MEI4: variants seen among roughly 807,000 people sequenced by gnomAD.
MEI4 encodes meiotic double-stranded break formation protein 4.
Under a neutral mutation model 31.4 loss-of-function variants are expected in MEI4, and 27 were observed. The observed-to-expected ratio is 0.86, with a 90% confidence interval of 0.63 to 1.19. MEI4 has a LOEUF of 1.19. MEI4 is among the 50% of genes most tolerant of loss of function. The probability of loss-of-function intolerance (pLI) is 0.00; values close to 1 mark genes in which losing one functional copy is unlikely to be tolerated. For missense variants in MEI4, 329 were observed against 398.9 expected (o/e 0.82, Z 1.49); for synonymous variants, 122 against 145.4 (o/e 0.84, Z 1.16).
chr6:77,861,711 C>T (rs1044621604), intron 4 of MEI4, among the ~76,000 whole-genome samples: 1 of 152,084 alleles, frequency 6.6e-6, no homozygotes, highest in African/African-American at 2.4e-5. Context: ...GCACAGAGTA[C>T]TTGGATGAAC....
At chr6:77,859,360 T>C (rs1770815418) in intron 4 of MEI4, among the ~76,000 whole-genome samples, 1 of 152,178 alleles carries the variant, frequency 6.6e-6, no homozygotes, top group Admixed American at 6.5e-5. Context: ...TAGAATGATT[T>C]ATATCCCTTT....
At position 77,923,717 on chromosome 6, in the gene MEI4, A is replaced by AT. The variant is rs955572668; in HGVS notation, c.*376dup. On this transcript the variant is annotated 3_prime_UTR_variant, in exon 5 of 5. Coordinates refer to ENST00000684080, the MANE Select transcript of MEI4 (RefSeq NM_001322247.2). ...TGCTAAATGGTAATCAAAGAAAGAG[A>AT]TTTTTAAAGAAGTTTAGTTGCATTA... 3 of 64,950 alleles carry AT rather than the reference A, an allele frequency of 4.6e-5. No homozygotes were observed. The highest frequency in any genetic ancestry group is 7.4e-5 in the Non-Finnish European group (3 of 40,494). 4.0% of individuals were successfully genotyped at this position (64,950 alleles called of 1,614,324 possible).
intron 3 of MEI4, among the ~76,000 whole-genome samples, chr6:77,789,614 C>T (rs898084244): frequency 6.6e-6 from 1 of 152,130 alleles, no homozygotes; most frequent in Non-Finnish European, 1.5e-5. Flanking sequence ...AGACACTTCT[C>T]AAAAGAAGAC....
intron 2 of MEI4, among the ~76,000 whole-genome samples, chr6:77,696,695 A>G (rs574567696): frequency 0.022 from 3,395 of 151,638 alleles, 111 homozygotes; most frequent in African/African-American, 0.077. Flanking sequence ...TTTTGCATCA[A>G]TGTTCATCAA....
chr6:77,664,008 C>T (rs1313393758), intron 1 of MEI4, among the ~76,000 whole-genome samples: 5 of 152,190 alleles, frequency 3.3e-5, no homozygotes, highest in South Asian at 2.1e-4. Context: ...GCCAGATTTC[C>T]GGCACATGTA....
chr6:77,716,140 G>A (rs1215582323), intron 2 of MEI4, among the ~76,000 whole-genome samples: 1 of 152,046 alleles, frequency 6.6e-6, no homozygotes, highest in Non-Finnish European at 1.5e-5. Flanking sequence ...CTTTCTCTTT[G>A]GAGTTTACAG....
At chr6:77,663,409 G>GA (rs918111476) in intron 1 of MEI4, among the ~76,000 whole-genome samples, 11 of 151,972 alleles carry the variant, frequency 7.2e-5, no homozygotes, top group Non-Finnish European at 1.0e-4. Flanking sequence ...TTAAGGTGGG[G>GA]GGATACAAGA....
intron 4 of MEI4, among the ~76,000 whole-genome samples, chr6:77,859,518 G>T (rs193247652): frequency 3.9e-5 from 6 of 151,978 alleles, no homozygotes; most frequent in African/African-American, 1.5e-4. Flanking sequence ...CCACAGCCTT[G>T]CCAATATCTA....
intron 4 of MEI4, among the ~76,000 whole-genome samples, chr6:77,859,443 C>T (rs1770818248): frequency 6.6e-6 from 1 of 152,158 alleles, no homozygotes; most frequent in South Asian, 2.1e-4. Context: ...AATCGCCATA[C>T]TGTCTACTAT....
intron 4 of MEI4, among the ~76,000 whole-genome samples, chr6:77,900,166 G>A (rs1433566489): frequency 6.6e-6 from 1 of 152,014 alleles, no homozygotes. Flanking sequence ...AGGATGCAGA[G>A]TAAAGGGAAC....
chr6:77,734,151 G>A (rs534575800), intron 2 of MEI4, among the ~76,000 whole-genome samples: 2 of 151,828 alleles, frequency 1.3e-5, no homozygotes, highest in South Asian at 2.1e-4. Flanking sequence ...GGTCCGCTTG[G>A]TGCAGAGCTG....
At chr6:77,900,099 T>G (rs1009962384) in intron 4 of MEI4, among the ~76,000 whole-genome samples, 1 of 151,796 alleles carries the variant, frequency 6.6e-6, no homozygotes, top group Non-Finnish European at 1.5e-5. Context: ...CAATGAGATA[T>G]CACTGCATCT....
intron 1 of MEI4, among the ~76,000 whole-genome samples, chr6:77,664,760 A>T (rs570668748): frequency 1.3e-5 from 2 of 152,114 alleles, no homozygotes; most frequent in African/African-American, 4.8e-5. Flanking sequence ...GTGTTAAAGA[A>T]TGCCTGGACA....
In MEI4 at chr6:77,900,336, G is replaced by GTA. The variant is rs373908436; in HGVS notation, c.901-22742_901-22741dup. On this transcript the variant is annotated intron_variant, in intron 4 of 4. Transcript: ENST00000684080. ...TATGTTCCAACAATCTCATTACTGG[G>GTA]TATATATATATAGAAAGGAAATATA... Among the ~76,000 whole-genome samples, 919 of 151,542 alleles carry GTA rather than the reference G, an allele frequency of 6.1e-3. 7 individuals are homozygous for GTA. The highest frequency in any genetic ancestry group is 0.02 in the African/African-American group (832 of 41,356).
chr6:77,800,799 G>A (rs1769232870), intron 3 of MEI4, among the ~76,000 whole-genome samples: 1 of 152,100 alleles, frequency 6.6e-6, no homozygotes, highest in South Asian at 2.1e-4. Flanking sequence ...TAAGTTTATT[G>A]ATTTGCATAT....
intron 1 of MEI4, among the ~76,000 whole-genome samples, chr6:77,667,841 G>C (rs951104593): frequency 2.2e-4 from 33 of 151,866 alleles, no homozygotes; most frequent in African/African-American, 8.0e-4. Context: ...TGTTAGGGAG[G>C]CAGCAAGAAT....
At chr6:77,809,773 T>G (rs1050084257) in intron 3 of MEI4, among the ~76,000 whole-genome samples, 2 of 152,150 alleles carry the variant, frequency 1.3e-5, no homozygotes, top group Non-Finnish European at 1.5e-5. Flanking sequence ...TTACCAAATC[T>G]AAATAATCAT....
chr6:77,820,134 C>G lies in MEI4; in HGVS notation c.769-8797C>G, dbSNP rs754143391. 6.6e-6 allele frequency among the ~76,000 whole-genome samples: 1 copy of G among 151,892 alleles called. No homozygotes were observed. Among genetic ancestry groups the G allele is most frequent in the Non-Finnish European group, 1.5e-5 (1 of 67,992 alleles). The stretch of plus-strand genomic sequence containing the variant: ...ATGAGTTGTTTTGATAGAAACGAAA[C>G]TGAAATATAAAAGTAAGTATTTTAA... On this transcript the variant is annotated intron_variant, in intron 3 of 4. Coordinates refer to ENST00000684080, the MANE Select transcript of MEI4 (RefSeq NM_001322247.2). This position sits in a 1 kb window ranked among gnomAD's most constrained non-coding sequence, Gnocchi z 4.5.
chr6:77,845,260 G>A (rs1475763759), intron 4 of MEI4, among the ~76,000 whole-genome samples: 2 of 152,184 alleles, frequency 1.3e-5, no homozygotes, highest in African/African-American at 4.8e-5. Flanking sequence ...CTATCTGACA[G>A]ATCATCTTTT....
Sources: allele counts gnomAD v4.1 joint callset (sites outside exome capture counted in the v4.1 genomes callset), GRCh38; gene constraint gnomAD v4.1.1; non-coding constraint Gnocchi (gnomAD v3.1); transcripts MANE v1.5; gene names NCBI Gene and HGNC (gene_info 2026-07-23, HGNC 2026-07-21).